The following RAB5C variants were observed in gnomAD, a reference collection of about 807,000 sequenced individuals.
RAB5C encodes RAB5C, member RAS oncogene family.
In RAB5C, 4 loss-of-function variants were observed where a neutral mutation model predicts 25.2. The observed-to-expected ratio is 0.16, with a 90% CI of 0.08 to 0.36. The LOEUF (loss-of-function observed/expected upper bound fraction) is 0.36, where lower values mean the gene tolerates loss of function less well. RAB5C is among the 10% of genes least tolerant of loss of function. The pLI is 1.00. For missense variants in RAB5C, 199 were observed against 283.8 expected (o/e 0.70, Z 2.15); for synonymous variants, 100 against 106.4 (o/e 0.94, Z 0.37).
intron 1 of RAB5C, 76 bp from the exon 2 acceptor site, chr17:42,130,666 T>C (rs2054476352): frequency 1.4e-6 from 2 of 1,445,116 alleles, no homozygotes; most frequent in Non-Finnish European, 1.8e-6. Flanking sequence ...ATTACAGATC[T>C]TTCCCTCTGG....
chr17:42,154,238 AAG>A (rs1414124937), intron 1 of RAB5C, among the ~76,000 whole-genome samples: 3 of 152,212 alleles, frequency 2.0e-5, no homozygotes, highest in Non-Finnish European at 4.4e-5. Flanking sequence ...CAGAGGCAGA[AAG>A]AGAGAGACAC....
At chr17:42,149,116 C>G (rs1168478033) in intron 1 of RAB5C, among the ~76,000 whole-genome samples, 1 of 152,146 alleles carries the variant, frequency 6.6e-6, no homozygotes, top group African/African-American at 2.4e-5. Flanking sequence ...TCTCCTCTGC[C>G]AAGGTTTTTG....
At chr17:42,146,854 A>T (rs996290817) in intron 1 of RAB5C, among the ~76,000 whole-genome samples, 59 of 151,636 alleles carry the variant, frequency 3.9e-4, no homozygotes, top group African/African-American at 1.4e-3. Flanking sequence ...AAAGTACAAA[A>T]AATTAGCCAA....
At chr17:42,126,944 TATC>T (rs1429132188) in intron 4 of RAB5C, 96 bp from the exon 5 acceptor site, 2 of 754,208 alleles carry the variant, frequency 2.7e-6, no homozygotes, top group East Asian at 5.2e-5. Flanking sequence ...TCGAGCACCT[TATC>T]ATAATAGAGA....
At chr17:42,126,697 CA>C (rs976053259) in intron 5 of RAB5C, 57 bp downstream of exon 5, 5 of 1,106,352 alleles carry the variant, frequency 4.5e-6, no homozygotes, top group Non-Finnish European at 6.8e-6. Context: ...TCTAGACCAG[CA>C]GACAGGTGAT....
rs891216152 is a variant in RAB5C, at chr17:42,144,372, G to A, written c.-89+10521C>T. 8.6e-5 allele frequency among the ~76,000 whole-genome samples: 13 copies of A among 152,022 alleles called. 1 individual carries two copies. In the East Asian group the frequency reaches 2.3e-3, roughly 27 times the overall value. Reference sequence around the variant, plus strand: ...CTCGGGAGGCTCAGGCAGGAGAATCGCTTGAACCCCGGAGGTGGAGGTTGC... The same window carrying A: ...CTCGGGAGGCTCAGGCAGGAGAATCACTTGAACCCCGGAGGTGGAGGTTGC... On this transcript the variant is annotated intron_variant, in intron 1 of 5. Coordinates refer to ENST00000346213, the MANE Select transcript of RAB5C (RefSeq NM_004583.4).
At chr17:42,128,628 G>T in intron 3 of RAB5C, 21 bp downstream of exon 3, 2 of 1,454,394 alleles carry the variant, frequency 1.4e-6, no homozygotes, top group Non-Finnish European at 1.8e-6. Flanking sequence ...GGCAAAGGAA[G>T]AAGCAAGGGG....
chr17:42,144,861 A>AGCTTGCAG (rs1306097225), intron 1 of RAB5C, among the ~76,000 whole-genome samples: 4 of 142,234 alleles, frequency 2.8e-5, no homozygotes, highest in Non-Finnish European at 6.1e-5. Context: ...TGGGAGGCGG[A>AGCTTGCAG]GCTTGCAGTG....
intron 1 of RAB5C, chr17:42,131,797 C>T (rs1302303203): frequency 7.1e-6 from 4 of 566,574 alleles, no homozygotes; most frequent in African/African-American, 1.9e-5. Flanking sequence ...ATTGCAGACA[C>T]ATGAGGAGCC....
At chr17:42,142,592 C>A (rs548405330) in intron 1 of RAB5C, among the ~76,000 whole-genome samples, 13 of 152,318 alleles carry the variant, frequency 8.5e-5, no homozygotes, top group African/African-American at 2.6e-4. Flanking sequence ...AGGCCACCCA[C>A]GCCCTCCTCC....
At chr17:42,134,124 T>C (rs1021726442) in intron 1 of RAB5C, among the ~76,000 whole-genome samples, 2 of 151,728 alleles carry the variant, frequency 1.3e-5, no homozygotes, top group African/African-American at 2.4e-5. Flanking sequence ...GATATGAGGG[T>C]GTCTAAGCCA....
chr17:42,139,654 G>C (rs1568022180), intron 1 of RAB5C, among the ~76,000 whole-genome samples: 2 of 152,146 alleles, frequency 1.3e-5, no homozygotes, highest in Admixed American at 6.5e-5. Flanking sequence ...TAGAGATGGG[G>C]TTTCACCATG....
At chr17:42,127,054 G>C (rs1480129497) in intron 4 of RAB5C, among the ~76,000 whole-genome samples, 1 of 152,232 alleles carries the variant, frequency 6.6e-6, no homozygotes, top group Non-Finnish European at 1.5e-5. Context: ...ATCACTAGCA[G>C]ATGTCTTACC....
At chr17:42,145,574 G>A (rs749483442) in intron 1 of RAB5C, among the ~76,000 whole-genome samples, 15 of 152,180 alleles carry the variant, frequency 9.9e-5, no homozygotes, top group South Asian at 2.1e-4. Flanking sequence ...TGAGCAGATC[G>A]CTTGAGCTCA....
intron 2 of RAB5C, among the ~76,000 whole-genome samples, chr17:42,129,388 C>T (rs994486803): frequency 6.6e-6 from 1 of 152,218 alleles, no homozygotes; most frequent in Admixed American, 6.5e-5. Context: ...CCGCCCCTAG[C>T]TCTGACCCAG....
intron 5 of RAB5C, chr17:42,126,549 G>A (rs140084833): frequency 3.2e-4 from 98 of 304,070 alleles, no homozygotes; most frequent in African/African-American, 4.6e-4. Flanking sequence ...GGAGAATGGC[G>A]TGAACCTGGG....
chr17:42,141,446 A>C (rs190678109), intron 1 of RAB5C, among the ~76,000 whole-genome samples: 1 of 152,340 alleles, frequency 6.6e-6, no homozygotes, highest in African/African-American at 2.4e-5. Context: ...GTGAGCACAG[A>C]TACGGTGAAC....
At chr17:42,152,124 A>C (rs1443080669) in intron 1 of RAB5C, among the ~76,000 whole-genome samples, 2 of 141,148 alleles carry the variant, frequency 1.4e-5, no homozygotes, top group African/African-American at 5.5e-5. Flanking sequence ...TATCTTACTC[A>C]AAAAAAAAAA....
At chr17:42,133,217 A>G (rs1398703862) in intron 1 of RAB5C, among the ~76,000 whole-genome samples, 1 of 152,186 alleles carries the variant, frequency 6.6e-6, no homozygotes, top group Admixed American at 6.5e-5. Context: ...CACGTGACAC[A>G]GAGTCTTGGC....
Sources: gnomAD v4.1 joint callset for allele counts (sites outside exome capture counted in the v4.1 genomes callset) on GRCh38, gnomAD v4.1.1 for gene constraint, MANE v1.5 for transcripts, NCBI Gene and HGNC (gene_info 2026-07-23, HGNC 2026-07-21) for gene names.